The following HNRNPC variants were observed in gnomAD, a reference collection of about 807,000 sequenced individuals.
HNRNPC encodes heterogeneous nuclear ribonucleoproteins C1/C2.
In HNRNPC, 3 loss-of-function variants were observed where a neutral mutation model predicts 33.2. The ratio of observed to expected loss-of-function variants is 0.09; its 90% confidence interval spans 0.04 to 0.23. The LOEUF (loss-of-function observed/expected upper bound fraction) is 0.23, where lower values mean the gene tolerates loss of function less well. Ranked by LOEUF, HNRNPC falls within the 10% of genes least tolerant of loss-of-function variation. The probability of loss-of-function intolerance (pLI) is 1.00; values close to 1 mark genes in which losing one functional copy is unlikely to be tolerated. For missense variants in HNRNPC, 143 were observed against 366.7 expected (o/e 0.39, Z 4.98); for synonymous variants, 121 against 126.7 (o/e 0.96, Z 0.30).
At chr14:21,211,726 A>T in intron 7 of HNRNPC, 84 bp downstream of exon 7, 1 of 1,427,106 alleles carries the variant, frequency 7.0e-7, no homozygotes, top group Non-Finnish European at 9.8e-7. Flanking sequence ...ATTGCTTTAT[A>T]TTCCACTATT....
rs554965454 is a variant in HNRNPC, at chr14:21,235,986, G to T, written c.-36-1757C>A. Among the ~76,000 whole-genome samples, 53 of 152,100 alleles carry T rather than the reference G, an allele frequency of 3.5e-4. No individual in the cohort carries two copies. The South Asian group carries it at 7.3e-3, about 21-fold the overall frequency. ...GAAAAATACAGATGTGATTGAAAGG[G>T]GTACCCTTTGGAATAAGACAGAAAT... On this transcript the variant is annotated intron_variant, in intron 2 of 8. Coordinates refer to ENST00000553300, the MANE Select transcript of HNRNPC (RefSeq NM_004500.4).
intron 5 of HNRNPC, among the ~76,000 whole-genome samples, chr14:21,216,465 TG>T (rs1422379033): frequency 1.3e-5 from 2 of 152,166 alleles, no homozygotes; most frequent in Non-Finnish European, 2.9e-5. Flanking sequence ...CCCAGCACTT[TG>T]GGAGGCTAAG....
In HNRNPC at chr14:21,245,261, C is replaced by T. The variant is rs1040422217; in HGVS notation, c.-36-11032G>A. On this transcript the variant is annotated intron_variant, in intron 2 of 8. Coordinates refer to ENST00000553300, the MANE Select transcript of HNRNPC (RefSeq NM_004500.4). ...CTGTAATCCCAGTACTTTTGGAGGC[C>T]GAGGTGGGTGGATCACTTGAGGTCA... is the stretch of plus-strand genomic sequence containing the variant. Among the ~76,000 whole-genome samples the T allele has an allele frequency of 7.2e-5, 11 of 152,012 alleles. No homozygotes were observed. In the East Asian group the frequency reaches 2.1e-3, roughly 29 times the overall value.
intron 2 of HNRNPC, among the ~76,000 whole-genome samples, chr14:21,237,895 C>G (rs1894894278): frequency 6.6e-6 from 1 of 152,164 alleles, no homozygotes; most frequent in African/African-American, 2.4e-5. Context: ...CCTCAGCCTC[C>G]CCAGTAGCTG....
chr14:21,234,369 T>G (rs185219488), intron 2 of HNRNPC, 140 bp from the exon 3 acceptor site: 1 of 628,778 alleles, frequency 1.6e-6, no homozygotes, highest in East Asian at 3.0e-5. Flanking sequence ...GCATTAAGTA[T>G]GTATTTGCTA....
intron 5 of HNRNPC, among the ~76,000 whole-genome samples, chr14:21,214,450 A>C (rs2139465588): frequency 6.6e-6 from 1 of 152,318 alleles, no homozygotes; most frequent in Admixed American, 6.5e-5. Flanking sequence ...AGGAGTGGCT[A>C]TGGACAGGAA....
chr14:21,253,810 A>C (rs1248630755), intron 2 of HNRNPC, among the ~76,000 whole-genome samples: 1 of 152,146 alleles, frequency 6.6e-6, no homozygotes, highest in Non-Finnish European at 1.5e-5. Flanking sequence ...TCAGGCCTGT[A>C]ATCCCAGCAC....
At chr14:21,230,146 A>T (rs1394927031) in intron 5 of HNRNPC, among the ~76,000 whole-genome samples, 173 bp downstream of exon 5, 1 of 152,240 alleles carries the variant, frequency 6.6e-6, no homozygotes, top group Non-Finnish European at 1.5e-5. Context: ...CATTAAAATC[A>T]GTATCACCCT....
chr14:21,219,953 C>A (rs530230113), intron 5 of HNRNPC, among the ~76,000 whole-genome samples: 1 of 152,330 alleles, frequency 6.6e-6, no homozygotes, highest in South Asian at 2.1e-4. Flanking sequence ...AGCCTCACAA[C>A]ATAAGCAAAT....
In HNRNPC at chr14:21,218,690, A is replaced by G. The variant is rs1390368646; in HGVS notation, c.366-5573T>C. 3.3e-4 allele frequency among the ~76,000 whole-genome samples: 48 copies of G among 146,484 alleles called. 1 individual carries two copies. In the East Asian group the frequency reaches 8.7e-3, roughly 27 times the overall value. On this transcript the variant is annotated intron_variant, in intron 5 of 8. Coordinates refer to ENST00000553300, the MANE Select transcript of HNRNPC (RefSeq NM_004500.4). ...AAGCGAAACTCTCTCTCAAAAAAAAAAAAAAAAAAAAAAAAAAACTGAAAT... is the reference window on the plus strand; with the variant it reads ...AAGCGAAACTCTCTCTCAAAAAAAAGAAAAAAAAAAAAAAAAAACTGAAAT...
intron 5 of HNRNPC, among the ~76,000 whole-genome samples, chr14:21,219,186 A>G (rs952893395): frequency 3.3e-5 from 5 of 152,164 alleles, no homozygotes; most frequent in Non-Finnish European, 5.9e-5. Flanking sequence ...ATCAACATAG[A>G]AGAGTAAGAA....
intron 2 of HNRNPC, among the ~76,000 whole-genome samples, chr14:21,257,517 TA>T (rs920577127): frequency 4.6e-5 from 7 of 151,432 alleles, no homozygotes; most frequent in African/African-American, 1.5e-4. Flanking sequence ...TAACCACAAA[TA>T]ATTTTTTTCT....
At chr14:21,221,830 G>A (rs182401764) in intron 5 of HNRNPC, among the ~76,000 whole-genome samples, 49 of 152,128 alleles carry the variant, frequency 3.2e-4, no homozygotes, top group African/African-American at 1.0e-3. Flanking sequence ...GGCAGATCAC[G>A]AGGTCAGGAG....
intron 3 of HNRNPC, among the ~76,000 whole-genome samples, chr14:21,232,847 C>T (rs1243292541): frequency 6.6e-6 from 1 of 152,110 alleles, no homozygotes; most frequent in African/African-American, 2.4e-5. Context: ...ACCAGCCTGG[C>T]CACCATGGTG....
At chr14:21,238,077 C>G (rs1270495712) in intron 2 of HNRNPC, among the ~76,000 whole-genome samples, 1 of 152,032 alleles carries the variant, frequency 6.6e-6, no homozygotes, top group Admixed American at 6.6e-5. Context: ...GGCCCTGATC[C>G]CATTTTCTTG....
intron 3 of HNRNPC, among the ~76,000 whole-genome samples, chr14:21,233,204 G>GTTTT (rs1442745469): frequency 6.6e-6 from 1 of 152,122 alleles, no homozygotes; most frequent in Non-Finnish European, 1.5e-5. Context: ...CCAGTAAGAT[G>GTTTT]TAAAAACAAT....
intron 3 of HNRNPC, 199 bp from the exon 4 acceptor site, chr14:21,231,271 C>G: frequency 1.5e-6 from 1 of 671,614 alleles, no homozygotes; most frequent in Non-Finnish European, 2.7e-6. Context: ...GTAACTGTCA[C>G]TACAGGCGGG....
At chr14:21,253,784 G>A (rs1272859060) in intron 2 of HNRNPC, among the ~76,000 whole-genome samples, 2 of 151,934 alleles carry the variant, frequency 1.3e-5, no homozygotes, top group African/African-American at 2.4e-5. Context: ...TAAAATGTGC[G>A]GCCAGGCGCG....
chr14:21,236,207 A>G (rs1894679834), intron 2 of HNRNPC, among the ~76,000 whole-genome samples: 1 of 152,220 alleles, frequency 6.6e-6, no homozygotes, highest in African/African-American at 2.4e-5. Flanking sequence ...ATCCAGGCAT[A>G]CAAGGATGCT....
Sources: gnomAD v4.1 joint callset for allele counts (sites outside exome capture counted in the v4.1 genomes callset) on GRCh38, gnomAD v4.1.1 for gene constraint, MANE v1.5 for transcripts, NCBI Gene and HGNC (gene_info 2026-07-23, HGNC 2026-07-21) for gene names.